Variants in SDAD1 observed in about 807,000 individuals in gnomAD.
SDAD1 encodes protein SDA1 homolog.
SDAD1 carries 79 observed loss-of-function variants against 100.3 expected under a neutral mutation model. That is an observed-to-expected ratio of 0.79 (90% confidence interval 0.66 to 0.95). SDAD1 has a LOEUF of 0.95. Among genes scored for constraint, SDAD1 ranks in the 40% least tolerant of loss-of-function variants. The pLI, the probability that SDAD1 is intolerant of heterozygous loss-of-function variation, is 0.00. For missense variants in SDAD1, 790 were observed against 810.9 expected (o/e 0.97, Z 0.31); for synonymous variants, 267 against 271.4 (o/e 0.98, Z 0.16).
intron 4 of SDAD1, among the ~76,000 whole-genome samples, chr4:75,976,622 A>G (rs1560550930): frequency 6.6e-6 from 1 of 152,202 alleles, no homozygotes; most frequent in Non-Finnish European, 1.5e-5. Flanking sequence ...GGGGGTGACA[A>G]AATGTTCAAA....
At chr4:75,969,489 T>A in intron 10 of SDAD1, 90 bp from the exon 11 acceptor site, 1 of 806,454 alleles carries the variant, frequency 1.2e-6, no homozygotes. Context: ...AATAGTTAGA[T>A]CAGTGAATAG....
intron 13 of SDAD1, among the ~76,000 whole-genome samples, chr4:75,965,083 CA>C (rs1729461760): frequency 6.6e-6 from 1 of 152,154 alleles, no homozygotes; most frequent in Non-Finnish European, 1.5e-5. Flanking sequence ...TCTCTTCTTT[CA>C]AAAGCAAATA....
At chr4:75,964,483 T>G (rs1729426011) in intron 13 of SDAD1, among the ~76,000 whole-genome samples, 1 of 152,232 alleles carries the variant, frequency 6.6e-6, no homozygotes, top group African/African-American at 2.4e-5. Context: ...ATACAAAATT[T>G]GCTTATTAAA....
intron 21 of SDAD1, among the ~76,000 whole-genome samples, chr4:75,954,121 C>G (rs1728755432): frequency 6.6e-6 from 1 of 152,038 alleles, no homozygotes; most frequent in South Asian, 2.1e-4. Context: ...GTAGCTCACG[C>G]CTGTAATCCC....
At chr4:75,983,135 T>C (rs969562696) in intron 1 of SDAD1, among the ~76,000 whole-genome samples, 1 of 152,224 alleles carries the variant, frequency 6.6e-6, no homozygotes, top group Non-Finnish European at 1.5e-5. Flanking sequence ...TCCTTTTTTA[T>C]GGCTGCATAG....
chr4:75,990,826 T>C lies in SDAD1; in HGVS notation c.16A>G (p.Asn6Asp), dbSNP rs769048122. The change falls in exon 1 of 22, where the codon AAC becomes GAC. Residue 6 changes from asparagine (N) to aspartate (D), a missense_variant. Transcript: ENST00000356260. ...GGCAGGTTGCTGGGAAGCTTGTTGT[T>C]GTTTCTGTTGGACATTTTGGCTGCA... MSNRNNNKLPSNLPQL... is the reference protein window; with the variant it reads MSNRNDNKLPSNLPQL... 3.7e-6 allele frequency: 6 copies of C among 1,614,090 alleles called. No homozygotes were observed. In the South Asian group the frequency reaches 5.5e-5, roughly 15 times the overall value.
chr4:75,955,804 T>G (rs1728856543), intron 21 of SDAD1, among the ~76,000 whole-genome samples, 171 bp downstream of exon 21: 1 of 152,138 alleles, frequency 6.6e-6, no homozygotes, highest in Non-Finnish European at 1.5e-5. Flanking sequence ...CTCTCCATGC[T>G]CTCCAGCAAT....
chr4:75,953,977 A>T (rs994490769), intron 21 of SDAD1, among the ~76,000 whole-genome samples: 16 of 152,202 alleles, frequency 1.1e-4, no homozygotes, highest in Admixed American at 2.6e-4. Flanking sequence ...AGGGCTTTCA[A>T]AAGGGCACAT....
At chr4:75,961,138 C>G in intron 15 of SDAD1, 34 bp from the exon 16 acceptor site, 1 of 1,608,816 alleles carries the variant, frequency 6.2e-7, no homozygotes, top group Non-Finnish European at 8.5e-7. Context: ...GAAATTCTGG[C>G]CCATAGAGTA....
intron 6 of SDAD1, 150 bp downstream of exon 6, chr4:75,975,594 G>C (rs1007531286): frequency 1.8e-6 from 1 of 557,170 alleles, no homozygotes; most frequent in East Asian, 2.8e-5. Flanking sequence ...TTAGTCATTT[G>C]AATTGCCTCT....
At chr4:75,987,849 T>TTA (rs1730996332) in intron 1 of SDAD1, among the ~76,000 whole-genome samples, 1 of 152,176 alleles carries the variant, frequency 6.6e-6, no homozygotes, top group African/African-American at 2.4e-5. Flanking sequence ...TTCATCTTAT[T>TTA]TGACTCATCA....
At chr4:75,976,341 TA>T (rs1285186011) in intron 4 of SDAD1, among the ~76,000 whole-genome samples, 7 of 152,176 alleles carry the variant, frequency 4.6e-5, no homozygotes, top group African/African-American at 1.7e-4. Flanking sequence ...GATGAATGGA[TA>T]AACAAAATGT....
At chr4:75,983,632 TG>T (rs1370919342) in intron 1 of SDAD1, among the ~76,000 whole-genome samples, 1 of 152,008 alleles carries the variant, frequency 6.6e-6, no homozygotes, top group East Asian at 1.9e-4. Flanking sequence ...CACTTTTTGA[TG>T]GGGTTTTTTT....
chr4:75,972,890 G>T (rs1189940594), intron 8 of SDAD1, among the ~76,000 whole-genome samples: 1 of 151,760 alleles, frequency 6.6e-6, no homozygotes, highest in Non-Finnish European at 1.5e-5. Context: ...GCGTGGTGGC[G>T]GGTGCCTGTA....
chr4:75,956,187 G>A, intron 20 of SDAD1, 51 bp from the exon 21 acceptor site: 2 of 1,548,678 alleles, frequency 1.3e-6, no homozygotes, highest in African/African-American at 1.4e-5. Flanking sequence ...TACTTTAGGA[G>A]TCATCTAATC....
Position 75,950,497 on chromosome 4 carries a change from G to A in SDAD1, c.*253C>T. On this transcript the variant is annotated 3_prime_UTR_variant, in exon 22 of 22. Transcript: ENST00000356260. ...TTGCATCTACAGTGACAATGAATAGGCACTCAATACATACTTTTTTTTGCA... is the reference window on the plus strand; with the variant it reads ...TTGCATCTACAGTGACAATGAATAGACACTCAATACATACTTTTTTTTGCA... 1 of 407,506 alleles carries A rather than the reference G, an allele frequency of 2.5e-6. No homozygotes were observed. 25.2% of individuals were successfully genotyped at this position (407,506 alleles called of 1,614,324 possible).
rs1729611757 is a variant in SDAD1 at position 75,967,410 on chromosome 4, T to C, written c.988-76A>G. 3 of 1,311,824 alleles carry C rather than the reference T, an allele frequency of 2.3e-6. No homozygotes were observed. The Admixed American group carries it at 5.5e-5, about 24-fold the overall frequency. The allele number at this position is 1,311,824 out of a possible 1,614,324, so 81.3% of individuals were successfully genotyped here. ...TCCATTTCTTCTCAATGCAAACATA[T>C]CACCAAGCTCAACTAATTGCAGAAC... On this transcript the variant is annotated intron_variant, in intron 11 of 21. Coordinates refer to ENST00000356260, the MANE Select transcript of SDAD1 (RefSeq NM_018115.4).
intron 13 of SDAD1, 80 bp from the exon 14 acceptor site, chr4:75,964,291 T>A: frequency 1.0e-6 from 1 of 953,036 alleles, no homozygotes; most frequent in East Asian, 2.6e-5. Flanking sequence ...GGACAATAGA[T>A]TATTCATAGT....
Position 75,968,988 on chromosome 4 carries a change from G to A in SDAD1, c.987+308C>T, listed in dbSNP as rs191778227. On this transcript the variant is annotated intron_variant, in intron 11 of 21. Coordinates refer to ENST00000356260, the MANE Select transcript of SDAD1 (RefSeq NM_018115.4). ...GGAGGTTGCAGTGAGCCGAGATTGC[G>A]CCACTGCACTCCAGCCTGGGCAATA... Among the ~76,000 whole-genome samples the A allele has an allele frequency of 6.5e-3, 858 of 131,592 alleles. 9 individuals are homozygous for A. The highest frequency in any genetic ancestry group is 0.022 in the African/African-American group (748 of 33,906). The allele number at this position is 131,592 out of a possible 152,430, so 86.3% of individuals were successfully genotyped here.
Sources: gnomAD v4.1 joint callset for allele counts (sites outside exome capture counted in the v4.1 genomes callset) on GRCh38, gnomAD v4.1.1 for gene constraint, MANE v1.5 for transcripts, NCBI Gene and HGNC (gene_info 2026-07-23, HGNC 2026-07-21) for gene names.